SERPINB5: variants seen among roughly 807,000 people sequenced by gnomAD.
SERPINB5 encodes serpin B5.
In SERPINB5, 27 loss-of-function variants were observed where a neutral mutation model predicts 32.2. The observed-to-expected ratio is 0.84, with a 90% confidence interval of 0.62 to 1.16. SERPINB5 has a LOEUF of 1.16. SERPINB5 is among the 50% of genes most tolerant of loss of function. SERPINB5 has a pLI of 0.00. For missense variants in SERPINB5, 388 were observed against 436.3 expected (o/e 0.89, Z 0.99); for synonymous variants, 154 against 157.4 (o/e 0.98, Z 0.16).
intron 1 of SERPINB5, among the ~76,000 whole-genome samples, chr18:63,478,304 G>C (rs1022841279): frequency 3.3e-5 from 5 of 152,162 alleles, no homozygotes; most frequent in Admixed American, 2.6e-4. Flanking sequence ...GCAACAGTGG[G>C]CTGGGTCAGT....
rs1460647302 is a variant in SERPINB5 at position 63,504,997 on chromosome 18, G to A, written c.*1275G>A. 1.3e-5 allele frequency: 2 copies of A among 151,902 alleles called. No homozygotes were observed. Among genetic ancestry groups the A allele is most frequent in the Admixed American group, 6.6e-5 (1 of 15,254 alleles). 9.4% of individuals were successfully genotyped at this position (151,902 alleles called of 1,614,324 possible). A position where few individuals can be genotyped will look rare whatever the true frequency, so the allele number is the denominator to read the frequency against. On this transcript the variant is annotated 3_prime_UTR_variant, in exon 7 of 7. Coordinates refer to ENST00000382771, the MANE Select transcript of SERPINB5 (RefSeq NM_002639.5). ...ACATTCCTTCTCCCATCTCTTCCTT[G>A]ACCTGCATTGTAAATAGGTTCTTCT...
chr18:63,486,771 C>A (rs766747451), intron 2 of SERPINB5, 175 bp from the exon 3 acceptor site: 5 of 593,518 alleles, frequency 8.4e-6, no homozygotes, highest in East Asian at 2.8e-5. Context: ...GACAGCCCCA[C>A]AAAGACTCAT....
At chr18:63,483,427 G>C (rs1917156069) in intron 1 of SERPINB5, among the ~76,000 whole-genome samples, 1 of 152,162 alleles carries the variant, frequency 6.6e-6, no homozygotes, top group Non-Finnish European at 1.5e-5. Context: ...TTATGTGCTG[G>C]GTGTCCTGCA....
intron 1 of SERPINB5, among the ~76,000 whole-genome samples, chr18:63,479,397 A>G (rs765306201): frequency 1.3e-5 from 2 of 152,222 alleles, no homozygotes; most frequent in Admixed American, 6.5e-5. Context: ...GTGACAAGCT[A>G]TAAGTCTAGA....
At chr18:63,484,741 C>CTTT (rs869236018) in intron 2 of SERPINB5, 145 bp downstream of exon 2, 3,295 of 107,858 alleles carry the variant, frequency 0.031, 347 homozygotes, top group East Asian at 0.12. Context: ...CTCTCTTAAT[C>CTTT]TTTTTTTTTT....
intron 5 of SERPINB5, among the ~76,000 whole-genome samples, chr18:63,497,811 G>T (rs1012330345): frequency 6.6e-6 from 1 of 152,054 alleles, no homozygotes; most frequent in Non-Finnish European, 1.5e-5. Context: ...CCTCCCCAGT[G>T]GTAACCATTA....
intron 2 of SERPINB5, 149 bp from the exon 3 acceptor site, chr18:63,486,797 A>G: frequency 1.4e-6 from 1 of 713,642 alleles, no homozygotes; most frequent in Non-Finnish European, 2.4e-6. Flanking sequence ...CTGAATGTCA[A>G]TAGTGCTGAG....
At position 63,498,749 on chromosome 18, in the gene SERPINB5, G is replaced by GTGTATA. The variant is rs1555671303; in HGVS notation, c.568-370_568-369insGTATAT. On this transcript the variant is annotated intron_variant, in intron 5 of 6. Coordinates refer to ENST00000382771, the MANE Select transcript of SERPINB5 (RefSeq NM_002639.5). The surrounding 1 kb of genome is among the most constrained non-coding windows in gnomAD (Gnocchi z 4.2). Reference sequence around the variant, plus strand: ...GACACTGTGTCAAGAGCAAATTTGTGTATATATATATATGTACATATATAT... The same window carrying GTGTATA: ...GACACTGTGTCAAGAGCAAATTTGTGTGTATATATATATATATATGTACATATATAT... Among the ~76,000 whole-genome samples, 4 of 149,876 alleles carry GTGTATA rather than the reference G, an allele frequency of 2.7e-5. No individual in the cohort carries two copies. Among genetic ancestry groups the GTGTATA allele is most frequent in the African/African-American group, 7.4e-5 (3 of 40,738 alleles).
chr18:63,503,395 C>G lies in SERPINB5; in HGVS notation c.801C>G (p.Ala267=), dbSNP rs1909609833. 6.2e-7 allele frequency: 1 copy of G among 1,614,118 alleles called. No individual in the cohort carries two copies. Among genetic ancestry groups the G allele is most frequent in the Non-Finnish European group, 8.5e-7 (1 of 1,180,052 alleles). Residue 267 remains alanine (A), a synonymous_variant, in exon 7 of 7, where the codon GCC becomes GCG. Coordinates refer to ENST00000382771, the MANE Select transcript of SERPINB5 (RefSeq NM_002639.5). ...QWTNPSTMAN[A]KVKLSIPKFK... ...CTAATCCCAGCACCATGGCCAATGC[C>G]AAGGTCAAACTCTCCATTCCAAAAT...
intron 2 of SERPINB5, chr18:63,485,859 G>A (rs1483803522): frequency 6.5e-6 from 1 of 152,956 alleles, no homozygotes; most frequent in Non-Finnish European, 1.5e-5. Context: ...GGGACAATGT[G>A]CCGGTTTGGC....
chr18:63,503,308 T>C, intron 6 of SERPINB5, 22 bp from the exon 7 acceptor site: 1 of 1,592,166 alleles, frequency 6.3e-7, no homozygotes, highest in Non-Finnish European at 8.5e-7. Flanking sequence ...AAAAATAATT[T>C]CTTTTCATTT....
intron 5 of SERPINB5, among the ~76,000 whole-genome samples, chr18:63,494,147 C>A (rs1909399927): frequency 6.6e-6 from 1 of 151,666 alleles, no homozygotes; most frequent in Admixed American, 6.6e-5. Flanking sequence ...CATAGTAAAA[C>A]CCCATCTCTA....
chr18:63,478,255 T>A (rs1917068437), intron 1 of SERPINB5, among the ~76,000 whole-genome samples: 1 of 152,174 alleles, frequency 6.6e-6, no homozygotes, highest in Admixed American at 6.5e-5. Flanking sequence ...ATTTGGGCCA[T>A]TCTGGTGTGG....
chr18:63,484,132 G>A (rs1205100204), intron 1 of SERPINB5, among the ~76,000 whole-genome samples: 2 of 152,218 alleles, frequency 1.3e-5, no homozygotes, highest in East Asian at 1.9e-4. Flanking sequence ...GACATATGCT[G>A]GAGAAGAGAT....
At chr18:63,490,148 C>T (rs540206768) in intron 4 of SERPINB5, among the ~76,000 whole-genome samples, 26 of 152,098 alleles carry the variant, frequency 1.7e-4, no homozygotes, top group African/African-American at 5.5e-4. Context: ...GCAGAGATCG[C>T]GCCACTGCAC....
At chr18:63,478,311 C>G (rs1195357082) in intron 1 of SERPINB5, among the ~76,000 whole-genome samples, 3 of 152,246 alleles carry the variant, frequency 2.0e-5, no homozygotes, top group Non-Finnish European at 4.4e-5. Context: ...TGGGCTGGGT[C>G]AGTGGTCAAG....
Position 63,489,443 on chromosome 18 carries a change from T to C in SERPINB5, c.403T>C (p.Ser135Pro). The change falls in exon 4 of 7, where the codon TCA becomes CCA. Residue 135 changes from serine (S) to proline (P), a missense_variant. Ser to Pro is a moderately conservative substitution (Grantham distance 74). Transcript: ENST00000382771. ...LEETKGQINNSIKDLTDGHFE... is the reference protein window; with the variant it reads ...LEETKGQINNPIKDLTDGHFE... ...AGAAACGAAAGGTCAGATCAACAAC[T>C]CAATTAAGGATCTCACAGATGGCAA... is the stretch of plus-strand genomic sequence containing the variant. 1.2e-6 allele frequency: 2 copies of C among 1,609,204 alleles called. No homozygotes were observed. Among genetic ancestry groups the C allele is most frequent in the Non-Finnish European group, 1.7e-6 (2 of 1,176,486 alleles).
intron 5 of SERPINB5, among the ~76,000 whole-genome samples, chr18:63,496,112 G>A (rs74733961): frequency 0.026 from 3,580 of 136,080 alleles, 128 homozygotes; most frequent in African/African-American, 0.087. Flanking sequence ...GTCTTTATTT[G>A]GTCCTCTTTT....
intron 5 of SERPINB5, 163 bp downstream of exon 5, chr18:63,493,258 A>G: frequency 1.2e-6 from 1 of 850,150 alleles, no homozygotes; most frequent in Non-Finnish European, 1.9e-6. Flanking sequence ...GTACAAAAAG[A>G]GCCAGAATCC....
Sources: allele counts gnomAD v4.1 joint callset (sites outside exome capture counted in the v4.1 genomes callset), GRCh38; gene constraint gnomAD v4.1.1; non-coding constraint Gnocchi (gnomAD v3.1); transcripts MANE v1.5; gene names NCBI Gene and HGNC (gene_info 2026-07-23, HGNC 2026-07-21).